The following ARHGEF33 variants were observed in gnomAD, a reference collection of about 807,000 sequenced individuals.
ARHGEF33 encodes DH and coiled-coil domain-containing protein ENSP00000381780.
ARHGEF33 carries 72 observed loss-of-function variants against 101.9 expected under a neutral mutation model. That is an observed-to-expected ratio of 0.71 (90% CI 0.58 to 0.86). The LOEUF (loss-of-function observed/expected upper bound fraction) is 0.86. Among genes scored for constraint, ARHGEF33 ranks in the 40% least tolerant of loss-of-function variants. The pLI is 0.00. For synonymous variants in ARHGEF33, 499 were observed against 442.5 expected, an observed-to-expected ratio of 1.13 and a Z score of -1.60; for missense variants, 1,169 against 1,111.3, an observed-to-expected ratio of 1.05 and a Z score of -0.74.
intron 10 of ARHGEF33, 75 bp downstream of exon 10, chr2:38,944,105 G>A (rs1667380253): frequency 7.0e-7 from 1 of 1,419,206 alleles, no homozygotes; most frequent in African/African-American, 1.5e-5. Flanking sequence ...TTTCCACTTT[G>A]GGATTTCTGG....
intron 16 of ARHGEF33, among the ~76,000 whole-genome samples, chr2:38,964,110 T>C (rs1323636204): frequency 6.6e-6 from 1 of 152,190 alleles, no homozygotes; most frequent in Non-Finnish European, 1.5e-5. Flanking sequence ...GTGTCACTTA[T>C]GTCCAATCTA....
chr2:38,947,771 G>A (rs1468551589), intron 10 of ARHGEF33, among the ~76,000 whole-genome samples: 1 of 152,070 alleles, frequency 6.6e-6, no homozygotes, highest in African/African-American at 2.4e-5. Context: ...AATTAGCCTT[G>A]TAAGCTAAAC....
chr2:38,928,700 C>T (rs1272259967), intron 4 of ARHGEF33: 2 of 373,714 alleles, frequency 5.4e-6, no homozygotes, highest in South Asian at 1.6e-4. Context: ...CAAGCTTCAG[C>T]ATATGCTATA....
Position 38,957,994 on chromosome 2 carries a change from C to G in ARHGEF33, c.1371-40C>G, listed in dbSNP as rs966250924. 9 of 1,548,650 alleles carry G rather than the reference C, an allele frequency of 5.8e-6. No homozygotes were observed. In the African/African-American group the frequency reaches 1.1e-4, roughly 19 times the overall value. ...AATATGTGTTCAGAGAGCCAGTTTG[C>G]CACTGTACAACCTGAGAACTGTTAT... On this transcript the variant is annotated intron_variant, in intron 14 of 17. Transcript: ENST00000409978.
At chr2:38,957,956 T>A in intron 14 of ARHGEF33, 78 bp from the exon 15 acceptor site, 2 of 1,480,652 alleles carry the variant, frequency 1.4e-6, no homozygotes, top group Non-Finnish European at 1.8e-6. Flanking sequence ...CATCTCTCTA[T>A]CTTTTTTGGC....
Position 38,929,427 on chromosome 2 carries a change from T to TA in ARHGEF33, c.241-270dup, listed in dbSNP as rs1250875790. On this transcript the variant is annotated intron_variant, in intron 5 of 17. Coordinates refer to ENST00000409978, the MANE Select transcript of ARHGEF33 (RefSeq NM_001145451.5). The stretch of plus-strand genomic sequence containing the variant: ...TGGGCGACAGAGCAAGACTCTGTCT[T>TA]AAAAAAAAAAAAGAAAGAAAACTGC... 1.4e-3 allele frequency among the ~76,000 whole-genome samples: 200 copies of TA among 144,492 alleles called. 1 individual carries two copies. The highest frequency in any genetic ancestry group is 9.9e-3 in the East Asian group (50 of 5,030). 94.8% of individuals were successfully genotyped at this position (144,492 alleles called of 152,430 possible). A position where few individuals can be genotyped will look rare whatever the true frequency, so the allele number is the denominator to read the frequency against.
chr2:38,938,525 C>T (rs184902176), intron 9 of ARHGEF33, among the ~76,000 whole-genome samples: 11 of 152,284 alleles, frequency 7.2e-5, no homozygotes, highest in Non-Finnish European at 5.9e-5. Flanking sequence ...GGCAACAGAA[C>T]AAGACCCTAA....
chr2:38,940,893 A>T (rs1165899237), intron 9 of ARHGEF33, among the ~76,000 whole-genome samples: 1 of 152,176 alleles, frequency 6.6e-6, no homozygotes, highest in East Asian at 1.9e-4. Flanking sequence ...TGTGGTCCTC[A>T]TATGCTGAGT....
intron 14 of ARHGEF33, among the ~76,000 whole-genome samples, chr2:38,957,641 G>A (rs1268912068): frequency 1.3e-5 from 2 of 152,170 alleles, no homozygotes; most frequent in Admixed American, 1.3e-4. Flanking sequence ...GAGCTTCGGA[G>A]GGAACAGAAG....
chr2:38,900,162 C>G (rs1033353955), intron 2 of ARHGEF33, among the ~76,000 whole-genome samples: 122 of 152,234 alleles, frequency 8.0e-4, no homozygotes, highest in African/African-American at 2.8e-3. Context: ...ACCGCATTCG[C>G]TCCAGCTTGG....
intron 3 of ARHGEF33, 79 bp downstream of exon 3, chr2:38,919,551 G>A (rs1666710565): frequency 9.5e-6 from 13 of 1,362,922 alleles, no homozygotes; most frequent in African/African-American, 5.8e-5. Flanking sequence ...CCACTGTCTC[G>A]AGACATGACA....
In ARHGEF33 at chr2:38,931,208, C is replaced by G. The variant is rs768520159; in HGVS notation, c.462C>G (p.Ser154Arg). 1.3e-6 allele frequency: 2 copies of G among 1,551,278 alleles called. No individual in the cohort carries two copies. The highest frequency in any genetic ancestry group is 8.7e-7 in the Non-Finnish European group (1 of 1,146,828). ...SINIPEPVLP[S>R]EDFTNLLPSQ... ...ATATCCCTGAGCCTGTTCTTCCAAGCGAAGACTTTACCAACCTTTTGCCTT... is the reference window on the plus strand; with the variant it reads ...ATATCCCTGAGCCTGTTCTTCCAAGGGAAGACTTTACCAACCTTTTGCCTT... The change falls in exon 7 of 18, where the codon AGC becomes AGG. Residue 154 changes from serine (S) to arginine (R), a missense_variant. Coordinates refer to ENST00000409978, the MANE Select transcript of ARHGEF33 (RefSeq NM_001145451.5).
At chr2:38,939,365 G>A (rs1294591654) in intron 9 of ARHGEF33, among the ~76,000 whole-genome samples, 1 of 152,088 alleles carries the variant, frequency 6.6e-6, no homozygotes, top group East Asian at 1.9e-4. Flanking sequence ...AAATCTCTGG[G>A]TTGTAGGTTA....
intron 6 of ARHGEF33, among the ~76,000 whole-genome samples, chr2:38,930,603 C>G (rs572261161): frequency 3.3e-5 from 5 of 152,166 alleles, no homozygotes; most frequent in Non-Finnish European, 7.3e-5. Flanking sequence ...ACCTTGGCCT[C>G]CCAAAGTGGT....
rs1273753905 is a variant in ARHGEF33 at position 38,960,425 on chromosome 2, G to A, written c.2120G>A (p.Arg707His). The change falls in exon 16 of 18, where the codon CGC becomes CAC. Residue 707 changes from arginine (R) to histidine (H), a missense_variant. Arg to His is a conservative substitution (Grantham distance 29). Coordinates refer to ENST00000409978, the MANE Select transcript of ARHGEF33 (RefSeq NM_001145451.5). ...CACGGCAAGGCCAAGCCGCTGAGCCGCTCTCTCAAAGAGTTCCCGCGTGCG... is the reference window on the plus strand; with the variant it reads ...CACGGCAAGGCCAAGCCGCTGAGCCACTCTCTCAAAGAGTTCCCGCGTGCG... ...QAHGKAKPLS[R>H]SLKEFPRAPP... 6 of 1,514,954 alleles carry A rather than the reference G, an allele frequency of 4.0e-6. No homozygotes were observed. Among genetic ancestry groups the A allele is most frequent in the Non-Finnish European group, 5.3e-6 (6 of 1,137,888 alleles). 93.8% of individuals were successfully genotyped at this position (1,514,954 alleles called of 1,614,324 possible). A position where few individuals can be genotyped will look rare whatever the true frequency, so the allele number is the denominator to read the frequency against.
Position 38,929,838 on chromosome 2 carries a change from T to C in ARHGEF33, c.362+8T>C, listed in dbSNP as rs769780367. On this transcript the variant is annotated splice_region_variant and intron_variant, in intron 6 of 17. Coordinates refer to ENST00000409978, the MANE Select transcript of ARHGEF33 (RefSeq NM_001145451.5). ...TCGAAAAGTTAAAGCCAAGTGAGTG[T>C]CTTTTAAAAATGTACCAAAGGCAAA... is the stretch of plus-strand genomic sequence containing the variant. The C allele has an allele frequency of 2.6e-6, 4 of 1,550,628 alleles. No homozygotes were observed. In the South Asian group the frequency reaches 4.8e-5, roughly 18 times the overall value.
At chr2:38,961,880 A>C (rs965847510) in intron 16 of ARHGEF33, among the ~76,000 whole-genome samples, 3 of 151,860 alleles carry the variant, frequency 2.0e-5, no homozygotes, top group Admixed American at 6.6e-5. Flanking sequence ...CTAGGGGAAG[A>C]GTGAGGTAGG....
intron 2 of ARHGEF33, among the ~76,000 whole-genome samples, chr2:38,909,001 T>C (rs573276767): frequency 6.6e-6 from 1 of 152,326 alleles, no homozygotes; most frequent in East Asian, 1.9e-4. Flanking sequence ...TTCAGGTCAC[T>C]TCCATAAATA....
At chr2:38,935,925 AC>A in intron 8 of ARHGEF33, 91 bp downstream of exon 8, 1 of 1,068,654 alleles carries the variant, frequency 9.4e-7, no homozygotes, top group Non-Finnish European at 1.4e-6. Context: ...TTAGTTTCAA[AC>A]CAGGCATGAA....
Sources: gnomAD v4.1 joint callset for allele counts (sites outside exome capture counted in the v4.1 genomes callset) on GRCh38, gnomAD v4.1.1 for gene constraint, MANE v1.5 for transcripts, NCBI Gene and HGNC (gene_info 2026-07-23, HGNC 2026-07-21) for gene names.